The following CCDC141 variants were observed in gnomAD, a reference collection of about 807,000 sequenced individuals.
The protein encoded by CCDC141 is coiled-coil domain-containing protein 141.
In CCDC141, 168 loss-of-function variants were observed where a neutral mutation model predicts 181.0. The observed-to-expected ratio is 0.93, with a 90% confidence interval of 0.82 to 1.05. CCDC141 has a LOEUF of 1.05. CCDC141 is among the 50% of genes least tolerant of loss of function. CCDC141 has a pLI of 0.00. For missense variants in CCDC141, 1,902 were observed against 1,788.5 expected, an observed-to-expected ratio of 1.06 and a Z score of -1.14; for synonymous variants, 666 against 642.3, an observed-to-expected ratio of 1.04 and a Z score of -0.56.
chr2:178,888,861 T>C (rs1021301462), intron 8 of CCDC141, among the ~76,000 whole-genome samples, 193 bp from the exon 9 acceptor site: 1 of 152,226 alleles, frequency 6.6e-6, no homozygotes, highest in Admixed American at 6.6e-5. Context: ...CTGTCAGTCC[T>C]GAGGGAAAAG....
At chr2:178,843,792 G>T (rs1295715375) in intron 22 of CCDC141, among the ~76,000 whole-genome samples, 10 of 152,114 alleles carry the variant, frequency 6.6e-5, no homozygotes, top group Non-Finnish European at 1.0e-4. Flanking sequence ...CATTACATCT[G>T]ATCTACATAT....
chr2:179,037,038 T>C (rs949906138), intron 2 of CCDC141, among the ~76,000 whole-genome samples: 6 of 152,202 alleles, frequency 3.9e-5, no homozygotes, highest in African/African-American at 1.4e-4. Context: ...TGGAGACAGG[T>C]GGATCTGAGG....
chr2:178,901,055 C>A (rs975251513), intron 8 of CCDC141, among the ~76,000 whole-genome samples: 4 of 152,050 alleles, frequency 2.6e-5, no homozygotes, highest in Non-Finnish European at 5.9e-5. Context: ...GGCTTTGGGT[C>A]AAGGCATCTC....
At chr2:178,864,931 T>C (rs1009679138) in intron 17 of CCDC141, among the ~76,000 whole-genome samples, 1 of 152,214 alleles carries the variant, frequency 6.6e-6, no homozygotes, top group African/African-American at 2.4e-5. Flanking sequence ...GAGATAAATC[T>C]AGAATTATGT....
At chr2:178,861,635 CAAAA>C (rs550382240) in intron 17 of CCDC141, among the ~76,000 whole-genome samples, 1 of 98,142 alleles carries the variant, frequency 1.0e-5, no homozygotes, top group Non-Finnish European at 2.2e-5. Flanking sequence ...GACTCAGTCT[CAAAA>C]AAAAAAAAAA....
At position 178,837,070 on chromosome 2, in the gene CCDC141, C is replaced by T; in HGVS notation, c.4149G>A (p.Gln1383=). ...RFQSGTSRGY[Q]RQMVPREEIK... ...TCTCTTCTCGAGGAACCATTTGCCT[C>T]TGATAGCCCCTGCTGGTGCCTGATT... Residue 1383 remains glutamine, a synonymous_variant, in exon 23 of 24, where the codon CAG becomes CAA. Transcript: ENST00000443758. 6.2e-7 allele frequency: 1 copy of T among 1,614,016 alleles called. No individual in the cohort carries two copies. Among genetic ancestry groups the T allele is most frequent in the South Asian group, 1.1e-5 (1 of 91,080 alleles).
At position 179,043,502 on chromosome 2, in the gene CCDC141, C is replaced by T. The variant is rs545488952; in HGVS notation, c.225+3782G>A. ...CATCAAAAAGCTTATCCACCACAAT[C>T]AAATAGGCTTCATTCCCCAGATGCA... On this transcript the variant is annotated intron_variant, in intron 2 of 23. Transcript: ENST00000443758. 8.5e-5 allele frequency among the ~76,000 whole-genome samples: 13 copies of T among 152,286 alleles called. No individual in the cohort carries two copies. The South Asian group carries it at 1.7e-3, about 19-fold the overall frequency.
At chr2:178,825,282 G>A (rs566818009), downstream of CCDC141, 1 of 152,076 alleles carries the variant, frequency 6.6e-6, no homozygotes, top group East Asian at 1.9e-4. Context: ...TAGCAGCCAG[G>A]GCCCATCCTT....
intron 22 of CCDC141, among the ~76,000 whole-genome samples, chr2:178,841,082 C>T (rs944536478): frequency 1.3e-5 from 2 of 152,144 alleles, no homozygotes; most frequent in African/African-American, 4.8e-5. Flanking sequence ...TCACATGGGA[C>T]CATTGACTTA....
Position 178,961,315 on chromosome 2 carries a change from C to T in CCDC141, c.695G>A (p.Arg232Lys), listed in dbSNP as rs1018769703. 96 of 1,550,422 alleles carry T rather than the reference C, an allele frequency of 6.2e-5. 1 individual carries two copies. Among genetic ancestry groups the T allele is most frequent in the Non-Finnish European group, 7.9e-5 (91 of 1,146,956 alleles). The stretch of plus-strand genomic sequence containing the variant: ...TTGCTTCAAGTACTTGTCTAGTTGT[C>T]TTCTCCTGTCTTGTAGAAGTTCAAG... ...RLLELLQDRRRQLDKYLKQQW... is the reference protein window; with the variant it reads ...RLLELLQDRRKQLDKYLKQQW... Residue 232 changes from arginine to lysine, a missense_variant, in exon 5 of 24, where the codon AGA (arginine) becomes AAA (lysine). Transcript: ENST00000443758.
intron 7 of CCDC141, among the ~76,000 whole-genome samples, chr2:178,917,454 G>A (rs1181990586): frequency 2.0e-5 from 3 of 152,098 alleles, no homozygotes; most frequent in Non-Finnish European, 4.4e-5. Flanking sequence ...TAGTAAAGAA[G>A]TTCAAAATTA....
intron 6 of CCDC141, among the ~76,000 whole-genome samples, chr2:178,920,184 T>C (rs560698222): frequency 6.6e-6 from 1 of 152,288 alleles, no homozygotes; most frequent in South Asian, 2.1e-4. Flanking sequence ...ATAGGCTACT[T>C]GTGAAGCGTG....
chr2:178,978,466 G>A lies in CCDC141; in HGVS notation c.417+18C>T, dbSNP rs1385937837. The A allele has an allele frequency of 1.4e-6, 2 of 1,400,740 alleles. No homozygotes were observed. Among genetic ancestry groups the A allele is most frequent in the African/African-American group, 1.5e-5 (1 of 67,280 alleles). The allele number at this position is 1,400,740 out of a possible 1,614,324, so 86.8% of individuals were successfully genotyped here. On this transcript the variant is annotated intron_variant, in intron 3 of 23. Transcript: ENST00000443758. The stretch of plus-strand genomic sequence containing the variant: ...TTGCTCTGATGTGGGGAAGGGAGAA[G>A]TTTTTTAAAGTACAAACCTCTAAGG...
rs1231125334 is a variant in CCDC141 at position 178,834,024 on chromosome 2, C to T, written c.*149G>A. The T allele has an allele frequency of 4.0e-6, 3 of 749,926 alleles. No individual in the cohort carries two copies. The highest frequency in any genetic ancestry group is 6.3e-6 in the Non-Finnish European group (3 of 478,514). 46.5% of individuals were successfully genotyped at this position (749,926 alleles called of 1,614,324 possible). ...AACGCTCCAGAAAATTTGATTATTT[C>T]ACCTAGCAGTGGTATTAGCCAAACA... is the stretch of plus-strand genomic sequence containing the variant. On this transcript the variant is annotated 3_prime_UTR_variant, in exon 24 of 24. Transcript: ENST00000443758.
intron 4 of CCDC141, among the ~76,000 whole-genome samples, chr2:178,967,722 T>A (rs1254811731): frequency 6.6e-6 from 1 of 152,092 alleles, no homozygotes; most frequent in African/African-American, 2.4e-5. Flanking sequence ...AATGACAGGA[T>A]CAAATTCACA....
chr2:178,963,815 G>A (rs778637641), intron 4 of CCDC141, among the ~76,000 whole-genome samples: 25 of 152,170 alleles, frequency 1.6e-4, no homozygotes, highest in Non-Finnish European at 2.4e-4. Context: ...TCAGAATGAC[G>A]AGAGTGTGAT....
intron 14 of CCDC141, 21 bp from the exon 15 acceptor site, chr2:178,869,326 A>C (rs754509852): frequency 4.5e-6 from 7 of 1,558,806 alleles, no homozygotes; most frequent in Non-Finnish European, 6.0e-6. Flanking sequence ...GAAAGCAATA[A>C]AAAAATCTTG....
At chr2:178,966,881 G>T in intron 4 of CCDC141, among the ~76,000 whole-genome samples, 1 of 151,826 alleles carries the variant, frequency 6.6e-6, no homozygotes, top group East Asian at 1.9e-4. Context: ...TTGCTAACTA[G>T]AATAACCAGT....
intron 2 of CCDC141, among the ~76,000 whole-genome samples, chr2:179,043,683 A>G (rs340343): frequency 0.65 from 98,868 of 152,048 alleles, 33,324 homozygotes; most frequent in East Asian, 0.77. Context: ...CCTCAAAATA[A>G]CAAAAGCCAT....
Sources: gnomAD v4.1 joint callset for allele counts (sites outside exome capture counted in the v4.1 genomes callset) on GRCh38, gnomAD v4.1.1 for gene constraint, MANE v1.5 for transcripts, NCBI Gene and HGNC (gene_info 2026-07-23, HGNC 2026-07-21) for gene names.